BORA: variants seen among roughly 807,000 people sequenced by gnomAD.
BORA encodes the protein protein aurora borealis.
BORA carries 26 observed loss-of-function variants against 55.8 expected under a neutral mutation model. The observed-to-expected ratio is 0.47, with a 90% CI of 0.34 to 0.65. BORA has a LOEUF of 0.65. Among genes scored for constraint, BORA ranks in the 30% least tolerant of loss-of-function variants. BORA has a pLI of 0.01. For missense variants in BORA, 568 were observed against 671.5 expected (o/e 0.85, Z 1.70); for synonymous variants, 201 against 216.9 (o/e 0.93, Z 0.64).
rs374378085 is a variant in BORA at position 72,746,967 on chromosome 13, T to C, written c.1338T>C (p.Thr446=). ...VDPIEIADET[T]WIKEPVDNGS... ...CTATAGAGATAGCAGATGAGACCAC[T>C]TGGATTAAGGAGCCGGTTGATAATG... Residue 446 remains threonine (T), a synonymous_variant, in exon 10 of 12, where the codon ACT becomes ACC. Transcript: ENST00000390667. 1.2e-6 allele frequency: 2 copies of C among 1,614,016 alleles called. No individual in the cohort carries two copies. Among genetic ancestry groups the C allele is most frequent in the African/African-American group, 1.3e-5 (1 of 74,922 alleles).
intron 5 of BORA, among the ~76,000 whole-genome samples, chr13:72,741,188 C>T (rs1271044732): frequency 3.3e-5 from 5 of 152,168 alleles, no homozygotes; most frequent in Non-Finnish European, 7.4e-5. Flanking sequence ...TAGAATATAT[C>T]GTTACCTAAT....
chr13:72,746,102 T>A (rs2033135268), intron 9 of BORA, 26 bp downstream of exon 9: 2 of 1,564,950 alleles, frequency 1.3e-6, no homozygotes, highest in Non-Finnish European at 1.8e-6. Context: ...AAATACCTAG[T>A]TAAAAGTTTT....
rs1438307179 is a variant in BORA, at chr13:72,746,878, G to C, written c.1249G>C (p.Glu417Gln). 1.2e-6 allele frequency: 2 copies of C among 1,614,144 alleles called. No individual in the cohort carries two copies. The highest frequency in any genetic ancestry group is 3.3e-5 in the Admixed American group (2 of 60,012). Residue 417 changes from glutamate to glutamine, a missense_variant, in exon 10 of 12, where the codon GAA (glutamate) becomes CAA (glutamine). Transcript: ENST00000390667. ...AAATCAGTCCAGTGCTTCTGAGAAA[G>C]AATTAGCACTGTTGCAGGATGTTGA... ...TQNQSSASEK[E>Q]LALLQDVERE... is the part of the protein sequence containing the mutation.
At position 72,728,709 on chromosome 13, in the gene BORA, T is replaced by C. The variant is rs80093780; in HGVS notation, c.-15-217T>C. On this transcript the variant is annotated intron_variant, in intron 1 of 11. Coordinates refer to ENST00000390667, the MANE Select transcript of BORA (RefSeq NM_024808.5). ...AGCTTAATACTTTCGCAAAATAATA[T>C]CACTAGTAAGTTACTGCTATAGCTT... Among the ~76,000 whole-genome samples, 856 of 152,326 alleles carry C rather than the reference T, an allele frequency of 5.6e-3. 8 individuals are homozygous for C. Among genetic ancestry groups the C allele is most frequent in the African/African-American group, 0.019 (790 of 41,578 alleles).
intron 4 of BORA, among the ~76,000 whole-genome samples, chr13:72,735,490 G>A (rs8002241): frequency 0.11 from 16,078 of 152,068 alleles, 2,402 homozygotes; most frequent in African/African-American, 0.34. Flanking sequence ...ATCTCTTACT[G>A]TTAAACAGGA....
Position 72,746,006 on chromosome 13 carries a change from T to C in BORA, c.801T>C (p.Thr267=), listed in dbSNP as rs1310612152. 6.2e-7 allele frequency: 1 copy of C among 1,612,704 alleles called. No homozygotes were observed. The highest frequency in any genetic ancestry group is 1.7e-5 in the Admixed American group (1 of 60,018). The change falls in exon 9 of 12, where the codon ACT becomes ACC. Residue 267 remains threonine, a synonymous_variant. Coordinates refer to ENST00000390667, the MANE Select transcript of BORA (RefSeq NM_024808.5). ...SAKKYSLGSI[T]SPSPISSPTF... is the part of the protein sequence containing the mutation. The stretch of plus-strand genomic sequence containing the variant: ...AAAAATACAGCTTGGGAAGCATAAC[T>C]AGTCCTTCGCCTATTTCTTCACCCA...
chr13:72,753,537 T>C lies in BORA; in HGVS notation c.1483-153T>C, dbSNP rs960274782. The stretch of plus-strand genomic sequence containing the variant: ...TACTATGCAGGACTACCTTTTATAT[T>C]TGTGCATTACTTTTGAATTTTGTTC... On this transcript the variant is annotated intron_variant, in intron 10 of 11. Coordinates refer to ENST00000390667, the MANE Select transcript of BORA (RefSeq NM_024808.5). The C allele has an allele frequency of 7.0e-6, 5 of 716,616 alleles. No individual in the cohort carries two copies. The African/African-American group carries it at 8.9e-5, about 13-fold the overall frequency. The allele number at this position is 716,616 out of a possible 1,614,324, so 44.4% of individuals were successfully genotyped here.
intron 10 of BORA, among the ~76,000 whole-genome samples, chr13:72,748,890 A>G (rs1454097584): frequency 6.6e-6 from 1 of 152,134 alleles, no homozygotes; most frequent in African/African-American, 2.4e-5. Context: ...TTGTCAAACT[A>G]TCTATGCTTA....
At position 72,730,991 on chromosome 13, in the gene BORA, C is replaced by T. The variant is rs141425416; in HGVS notation, c.154-290C>T. ...GCTGAGGCAGGAGAATCGCTTGAAC[C>T]GGGGAGGTGGAGGTTGCAGTGAGCT... is the stretch of plus-strand genomic sequence containing the variant. On this transcript the variant is annotated intron_variant, in intron 2 of 11. Transcript: ENST00000390667. Among the ~76,000 whole-genome samples the T allele has an allele frequency of 6.5e-3, 983 of 151,906 alleles. 9 individuals carry two copies. The highest frequency in any genetic ancestry group is 0.019 in the African/African-American group (789 of 41,414).
Position 72,735,006 on chromosome 13 carries a change from G to A in BORA, c.306+1G>A. Reference sequence around the variant, plus strand: ...CAAAAGACAAAAAGCCATTGAAGAGGTAACTTAAACTGTTACTGATCATTA... The same window carrying A: ...CAAAAGACAAAAAGCCATTGAAGAGATAACTTAAACTGTTACTGATCATTA... On this transcript the variant is annotated splice_donor_variant, in intron 4 of 11. Transcript: ENST00000390667. LOFTEE classifies it high-confidence loss of function. 6.3e-7 allele frequency: 1 copy of A among 1,587,318 alleles called. No homozygotes were observed. Among genetic ancestry groups the A allele is most frequent in the Non-Finnish European group, 8.6e-7 (1 of 1,157,034 alleles).
At chr13:72,735,945 C>G (rs753290558) in intron 4 of BORA, among the ~76,000 whole-genome samples, 2 of 152,172 alleles carry the variant, frequency 1.3e-5, no homozygotes, top group Non-Finnish European at 2.9e-5. Flanking sequence ...TTGTTCTTTC[C>G]TCAGAAAGTC....
Position 72,731,325 on chromosome 13 carries a change from A to G in BORA, c.198A>G (p.Ile66Met), listed in dbSNP as rs2032810461. 1 of 1,612,718 alleles carries G rather than the reference A, an allele frequency of 6.2e-7. No homozygotes were observed. Among genetic ancestry groups the G allele is most frequent in the Non-Finnish European group, 8.5e-7 (1 of 1,179,276 alleles). ...GGTCTATTGATCAACTAGCTGTAAT[A>G]AATCCTGTAGAAATAGACCCAGAAG... is the stretch of plus-strand genomic sequence containing the variant. ...FRWSIDQLAV[I>M]NPVEIDPEDI... The change falls in exon 3 of 12, where the codon ATA becomes ATG. Residue 66 changes from isoleucine to methionine, a missense_variant. By Grantham distance (10) the Ile-to-Met change is conservative. Coordinates refer to ENST00000390667, the MANE Select transcript of BORA (RefSeq NM_024808.5).
chr13:72,745,215 G>A lies in BORA; in HGVS notation c.738+8G>A. The A allele has an allele frequency of 6.2e-7, 1 of 1,607,382 alleles. No homozygotes were observed. The highest frequency in any genetic ancestry group is 8.5e-7 in the Non-Finnish European group (1 of 1,174,438). ...TTGCAGACACCAAGTTCGGTGAGAAGTATACTAAAAAGCAGTTGGCTAATA... is the reference window on the plus strand; with the variant it reads ...TTGCAGACACCAAGTTCGGTGAGAAATATACTAAAAAGCAGTTGGCTAATA... On this transcript the variant is annotated splice_region_variant and intron_variant, in intron 8 of 11. Transcript: ENST00000390667.
chr13:72,753,546 A>G, intron 10 of BORA, 144 bp from the exon 11 acceptor site: 1 of 786,534 alleles, frequency 1.3e-6, no homozygotes, highest in Non-Finnish European at 2.0e-6. Flanking sequence ...TTTGTGCATT[A>G]CTTTTGAATT....
At chr13:72,747,261 G>C (rs1193616469) in intron 10 of BORA, 150 bp downstream of exon 10, 3 of 784,446 alleles carry the variant, frequency 3.8e-6, no homozygotes, top group Non-Finnish European at 5.5e-6. Context: ...CAAGTGATAT[G>C]AGAAGAGTAA....
At position 72,745,072 on chromosome 13, in the gene BORA, C is replaced by T. The variant is rs753954993; in HGVS notation, c.603C>T (p.Asn201=). The T allele has an allele frequency of 2.1e-5, 34 of 1,613,960 alleles. No individual in the cohort carries two copies. The highest frequency in any genetic ancestry group is 4.4e-5 in the South Asian group (4 of 91,092). ...SLRRKLFLDG[N]GSISDSLPSA... ...GAAGAAAGCTGTTTTTAGATGGGAA[C>T]GGAAGCATCTCCGACTCCTTACCTT... is the stretch of plus-strand genomic sequence containing the variant. The change falls in exon 8 of 12, where the codon AAC becomes AAT. Residue 201 remains asparagine, a synonymous_variant. Transcript: ENST00000390667.
At chr13:72,734,183 G>A (rs1321200588) in intron 3 of BORA, among the ~76,000 whole-genome samples, 1 of 151,938 alleles carries the variant, frequency 6.6e-6, no homozygotes, top group African/African-American at 2.4e-5. Context: ...TTGTACCCCT[G>A]AACTTAAAAT....
At chr13:72,733,842 G>T (rs899177379) in intron 3 of BORA, among the ~76,000 whole-genome samples, 1 of 152,072 alleles carries the variant, frequency 6.6e-6, no homozygotes, top group Non-Finnish European at 1.5e-5. Flanking sequence ...GTCTATATGT[G>T]AAAAAAATTC....
intron 6 of BORA, 107 bp downstream of exon 6, chr13:72,743,709 C>CTTTTT: frequency 1.7e-6 from 1 of 605,340 alleles, no homozygotes; most frequent in South Asian, 3.6e-5. Flanking sequence ...AAATTGTTTC[C>CTTTTT]TTTTTTTTTT....
Sources: gnomAD v4.1 joint callset for allele counts (sites outside exome capture counted in the v4.1 genomes callset) on GRCh38, gnomAD v4.1.1 for gene constraint, MANE v1.5 for transcripts, NCBI Gene and HGNC (gene_info 2026-07-23, HGNC 2026-07-21) for gene names.